The following CLSTN1 variants were observed in gnomAD, a reference collection of about 807,000 sequenced individuals.
The protein encoded by CLSTN1 is calsyntenin 1.
Under a neutral mutation model 108.3 loss-of-function variants are expected in CLSTN1, and 28 were observed. The observed-to-expected ratio is 0.26, with a 90% confidence interval of 0.19 to 0.35. The LOEUF is 0.35. Among genes scored for constraint, CLSTN1 ranks in the 10% least tolerant of loss-of-function variants. The pLI is 1.00. For synonymous variants in CLSTN1, 524 were observed against 534.9 expected (o/e 0.98, Z 0.28); for missense variants, 1,157 against 1,302.6 (o/e 0.89, Z 1.72).
chr1:9,785,198 G>C (rs568790488), intron 1 of CLSTN1, among the ~76,000 whole-genome samples: 1 of 152,186 alleles, frequency 6.6e-6, no homozygotes, highest in South Asian at 2.1e-4. Context: ...AGCGGAGACA[G>C]GGTTTCACCA....
At chr1:9,774,670 G>A (rs887937484) in intron 1 of CLSTN1, among the ~76,000 whole-genome samples, 4 of 151,826 alleles carry the variant, frequency 2.6e-5, no homozygotes, top group African/African-American at 4.8e-5. Flanking sequence ...ACTTACTGCC[G>A]GAAAAGGGTC....
chr1:9,754,226 A>ATTT (rs780038136), intron 4 of CLSTN1, among the ~76,000 whole-genome samples: 1 of 152,108 alleles, frequency 6.6e-6, no homozygotes, highest in Non-Finnish European at 1.5e-5. Context: ...TTACTTCTTT[A>ATTT]ATAGAGTATT....
chr1:9,784,721 C>G (rs908660220), intron 1 of CLSTN1, among the ~76,000 whole-genome samples: 1 of 152,178 alleles, frequency 6.6e-6, no homozygotes, highest in African/African-American at 2.4e-5. Flanking sequence ...TTAAGGAACA[C>G]TGCCAGCAGG....
chr1:9,766,606 G>C (rs557731983), intron 2 of CLSTN1, among the ~76,000 whole-genome samples: 1 of 152,280 alleles, frequency 6.6e-6, no homozygotes, highest in East Asian at 1.9e-4. Context: ...GTTGCAGTGA[G>C]CCGAGATCGC....
At chr1:9,747,014 T>C (rs2101100788) in intron 7 of CLSTN1, among the ~76,000 whole-genome samples, 1 of 150,904 alleles carries the variant, frequency 6.6e-6, no homozygotes, top group Non-Finnish European at 1.5e-5. Flanking sequence ...ATCCCATCTC[T>C]ACTAAACATA....
chr1:9,791,024 C>T (rs1397423434), intron 1 of CLSTN1, among the ~76,000 whole-genome samples: 1 of 149,694 alleles, frequency 6.7e-6, no homozygotes, highest in Non-Finnish European at 1.5e-5. Context: ...CCCAGCTACT[C>T]GGGAGGCCGA....
At chr1:9,803,540 C>A (rs1038240881) in intron 1 of CLSTN1, among the ~76,000 whole-genome samples, 2 of 152,218 alleles carry the variant, frequency 1.3e-5, no homozygotes, top group African/African-American at 4.8e-5. Context: ...CAGTGGCTCA[C>A]GCCTGCAATC....
chr1:9,735,205 C>T, intron 13 of CLSTN1, 31 bp from the exon 14 acceptor site: 1 of 1,608,562 alleles, frequency 6.2e-7, no homozygotes, highest in Non-Finnish European at 8.5e-7. Flanking sequence ...AGGGTCAGGG[C>T]TTTGGGAGCC....
At position 9,755,136 on chromosome 1, in the gene CLSTN1, T is replaced by C; in HGVS notation, c.418A>G (p.Thr140Ala). ...TACTTATGAGACTTTTTCACGTTGG[T>C]GCCATCAGGTCCCTTCCCACAATCA... ...AYDCGKGPDG[T>A]NVKKSHKATV... The change falls in exon 4 of 19, where the codon ACC becomes GCC. Residue 140 changes from threonine (T) to alanine (A), a missense_variant. Transcript: ENST00000377298. 6.2e-7 allele frequency: 1 copy of C among 1,611,114 alleles called. No individual in the cohort carries two copies. The highest frequency in any genetic ancestry group is 2.2e-5 in the East Asian group (1 of 44,762).
In CLSTN1 at chr1:9,735,953, C is replaced by T. The variant is rs576095743; in HGVS notation, c.1666G>A (p.Asp556Asn). The change falls in exon 12 of 19, where the codon GAC becomes AAC. Residue 556 changes from aspartate (D) to asparagine (N), a missense_variant. Physicochemically the swap from Asp to Asn is conservative, Grantham distance 23. Transcript: ENST00000377298. ...CCCTCCTTGCAGGTATACAGACAGTCGATCACCTTCTTATCCGCGAGTTTC... is the reference window on the plus strand; with the variant it reads ...CCCTCCTTGCAGGTATACAGACAGTTGATCACCTTCTTATCCGCGAGTTTC... Reference protein sequence around the residue: ...SGKLADKKVIDCLYTCKEGLD... With the variant: ...SGKLADKKVINCLYTCKEGLD... 93 of 1,614,172 alleles carry T rather than the reference C, an allele frequency of 5.8e-5. No homozygotes were observed. The highest frequency in any genetic ancestry group is 6.9e-5 in the Non-Finnish European group (82 of 1,180,042).
chr1:9,806,307 TACAA>T (rs1042639465), intron 1 of CLSTN1, among the ~76,000 whole-genome samples: 3 of 151,800 alleles, frequency 2.0e-5, no homozygotes, highest in Admixed American at 6.6e-5. Context: ...GTCTCGAAAA[TACAA>T]ACAAACAAAA....
At chr1:9,765,712 T>C (rs1465738998) in intron 2 of CLSTN1, among the ~76,000 whole-genome samples, 1 of 151,458 alleles carries the variant, frequency 6.6e-6, no homozygotes, top group African/African-American at 2.4e-5. Flanking sequence ...GAACCCTCCC[T>C]CTACTAAAAA....
At chr1:9,794,752 T>C (rs1653916733) in intron 1 of CLSTN1, among the ~76,000 whole-genome samples, 1 of 151,530 alleles carries the variant, frequency 6.6e-6, no homozygotes, top group Non-Finnish European at 1.5e-5. Flanking sequence ...TTTATCATGA[T>C]CACATTTGTC....
intron 7 of CLSTN1, among the ~76,000 whole-genome samples, chr1:9,746,672 C>T (rs1038635450): frequency 4.0e-5 from 6 of 151,518 alleles, no homozygotes; most frequent in Non-Finnish European, 7.4e-5. Context: ...CAAGATAGCA[C>T]GATTGCATTC....
At chr1:9,818,826 G>A (rs1488267134) in intron 1 of CLSTN1, among the ~76,000 whole-genome samples, 1 of 112,508 alleles carries the variant, frequency 8.9e-6, no homozygotes, top group Non-Finnish European at 1.7e-5. Flanking sequence ...TCACTCTGTC[G>A]CCCAGGCTGG....
In CLSTN1 at chr1:9,741,123, G is replaced by C. The variant is rs1259072406; in HGVS notation, c.1490C>G (p.Thr497Ser). 2 of 1,613,990 alleles carry C rather than the reference G, an allele frequency of 1.2e-6. No individual in the cohort carries two copies. Among genetic ancestry groups the C allele is most frequent in the Non-Finnish European group, 1.7e-6 (2 of 1,179,882 alleles). Reference protein sequence around the residue: ...DYPLHPSKIETQLVVGACWQE... With the variant: ...DYPLHPSKIESQLVVGACWQE... ...CCAGCAAGCCCCCACCACGAGCTGAGTTTCTATCTTGGATGGATGGAGCGG... is the reference window on the plus strand; with the variant it reads ...CCAGCAAGCCCCCACCACGAGCTGACTTTCTATCTTGGATGGATGGAGCGG... Residue 497 changes from threonine to serine, a missense_variant, in exon 10 of 19, where the codon ACT (threonine) becomes AGT (serine). By Grantham distance (58) the Thr-to-Ser change is moderately conservative. Coordinates refer to ENST00000377298, the MANE Select transcript of CLSTN1 (RefSeq NM_001009566.3).
At chr1:9,766,667 AATAG>A (rs1652351546) in intron 2 of CLSTN1, among the ~76,000 whole-genome samples, 3 of 152,202 alleles carry the variant, frequency 2.0e-5, no homozygotes, top group Non-Finnish European at 4.4e-5. Flanking sequence ...CTCAAAAATA[AATAG>A]ATAAATAATA....
At chr1:9,748,695 G>T (rs1335327832) in intron 7 of CLSTN1, among the ~76,000 whole-genome samples, 1 of 152,074 alleles carries the variant, frequency 6.6e-6, no homozygotes, top group African/African-American at 2.4e-5. Flanking sequence ...CTCCATGTTG[G>T]TCAGGCTGGT....
intron 1 of CLSTN1, among the ~76,000 whole-genome samples, chr1:9,798,265 ACT>A (rs1654103528): frequency 6.6e-6 from 1 of 152,190 alleles, no homozygotes; most frequent in African/African-American, 2.4e-5. Context: ...GAAAACAGGT[ACT>A]CAAATACTTA....
Sources: allele counts gnomAD v4.1 joint callset (sites outside exome capture counted in the v4.1 genomes callset), GRCh38; gene constraint gnomAD v4.1.1; transcripts MANE v1.5; gene names NCBI Gene and HGNC (gene_info 2026-07-23, HGNC 2026-07-21).